Variants in NOP53 observed in about 807,000 individuals in gnomAD.
NOP53 encodes ribosome biogenesis protein NOP53.
Under a neutral mutation model 61.0 loss-of-function variants are expected in NOP53, and 40 were observed. The observed-to-expected ratio is 0.66, with a 90% CI of 0.51 to 0.85. The LOEUF (loss-of-function observed/expected upper bound fraction) is 0.85, where lower values mean the gene tolerates loss of function less well. Among genes scored for constraint, NOP53 ranks in the 40% least tolerant of loss-of-function variants. The pLI is 0.00. For synonymous variants in NOP53, 308 were observed against 289.5 expected (o/e 1.06, Z -0.65); for missense variants, 689 against 652.9 (o/e 1.06, Z -0.60).
chr19:47,756,394 G>C lies in NOP53; in HGVS notation c.1297-134G>C. ...CTGAGCCCCAGCAGCTGAGGGCCAG[G>C]CTGAGTCCCTGGTGCCCACAGGCTG... On this transcript the variant is annotated intron_variant, in intron 10 of 12. Coordinates refer to ENST00000246802, the MANE Select transcript of NOP53 (RefSeq NM_015710.5). 1.5e-5 allele frequency: 10 copies of C among 650,042 alleles called. No individual in the cohort carries two copies. In the South Asian group the frequency reaches 1.8e-4, roughly 12 times the overall value. The allele number at this position is 650,042 out of a possible 1,614,324, so 40.3% of individuals were successfully genotyped here. A position where few individuals can be genotyped will look rare whatever the true frequency, so the allele number is the denominator to read the frequency against.
intron 2 of NOP53, 115 bp from the exon 3 acceptor site, chr19:47,750,063 C>A (rs1967105832): frequency 1.5e-6 from 1 of 656,912 alleles, no homozygotes; most frequent in Non-Finnish European, 2.7e-6. Context: ...ACCTCCAAGT[C>A]TCCTGGGGTG....
intron 10 of NOP53, 58 bp from the exon 11 acceptor site, chr19:47,756,470 G>GGTCCAGGCCCTTGGGCTTC: frequency 7.0e-7 from 1 of 1,424,054 alleles, no homozygotes. Context: ...CCCGAGGAGA[G>GGTCCAGGCCCTTGGGCTTC]GTCCAGGCCC....
In NOP53 at chr19:47,751,092, C is replaced by T. The variant is rs1430363723; in HGVS notation, c.583C>T (p.Leu195Phe). ...CACCGTAGAGCGGCCCTTCTACGAC[C>T]TCTGGGCCTCAGACAGTGAGTGATC... ...QDTVERPFYD[L>F]WASDNPLDRP... is the part of the protein sequence containing the mutation. The change falls in exon 4 of 13, where the codon CTC (leucine) becomes TTC (phenylalanine). Residue 195 changes from leucine (L) to phenylalanine (F), a missense_variant. Leu to Phe is a conservative substitution (Grantham distance 22, BLOSUM62 0). Transcript: ENST00000246802. 3 of 1,606,926 alleles carry T rather than the reference C, an allele frequency of 1.9e-6. No homozygotes were observed. The highest frequency in any genetic ancestry group is 1.1e-5 in the South Asian group (1 of 89,384).
chr19:47,755,129 G>C (rs1337704592), intron 8 of NOP53, among the ~76,000 whole-genome samples: 1 of 151,790 alleles, frequency 6.6e-6, no homozygotes, highest in Non-Finnish European at 1.5e-5. Context: ...GGGCGGGGTG[G>C]GGGGAGGTTT....
Position 47,754,325 on chromosome 19 carries a change from C to T in NOP53, c.766-202C>T. On this transcript the variant is annotated intron_variant, in intron 6 of 12. Transcript: ENST00000246802. This position sits in a 1 kb window ranked among gnomAD's most constrained non-coding sequence, Gnocchi z 4.2. Reference sequence around the variant, plus strand: ...AGGTCAGACTGCCTTCACAGACGTGCAGAGCAGGTGTGAGGGCGAGGGTTT... The same window carrying T: ...AGGTCAGACTGCCTTCACAGACGTGTAGAGCAGGTGTGAGGGCGAGGGTTT... The T allele has an allele frequency of 1.7e-6, 1 of 578,694 alleles. No homozygotes were observed. 35.8% of individuals were successfully genotyped at this position (578,694 alleles called of 1,614,324 possible). A position where few individuals can be genotyped will look rare whatever the true frequency, so the allele number is the denominator to read the frequency against.
At position 47,754,495 on chromosome 19, in the gene NOP53, T is replaced by A; in HGVS notation, c.766-32T>A. 6.8e-7 allele frequency: 1 copy of A among 1,477,702 alleles called. No homozygotes were observed. The allele number at this position is 1,477,702 out of a possible 1,614,324, so 91.5% of individuals were successfully genotyped here. On this transcript the variant is annotated intron_variant, in intron 6 of 12. Transcript: ENST00000246802. This position sits in a 1 kb window ranked among gnomAD's most constrained non-coding sequence, Gnocchi z 4.2. ...TCTAGTCTCAGTGTCCCAGGAGGGG[T>A]TCAGGGACCCATCCTCACTCCCGCC...
intron 8 of NOP53, 54 bp from the exon 9 acceptor site, chr19:47,755,294 T>C (rs10406879): frequency 0.72 from 882,572 of 1,228,776 alleles, 318,679 homozygotes; most frequent in African/African-American, 0.84. Flanking sequence ...AGAGAGAAGG[T>C]CTCCCTGTGT....
intron 8 of NOP53, 106 bp from the exon 9 acceptor site, chr19:47,755,242 C>G: frequency 1.4e-6 from 1 of 733,206 alleles, no homozygotes; most frequent in Non-Finnish European, 2.1e-6. Flanking sequence ...TAGGAAGGGC[C>G]TCCGGGGACA....
chr19:47,754,781 G>C lies in NOP53; in HGVS notation c.943G>C (p.Glu315Gln), dbSNP rs907006566. Residue 315 changes from glutamate to glutamine, a missense_variant, in exon 8 of 13, where the codon GAG becomes CAG. Physicochemically the swap from Glu to Gln is conservative, Grantham distance 29 (BLOSUM62 2). Coordinates refer to ENST00000246802, the MANE Select transcript of NOP53 (RefSeq NM_015710.5). The surrounding 1 kb of genome is among the most constrained non-coding windows in gnomAD (Gnocchi z 4.2). ...TGGTGAGGGGGAGCCAGGCCAGGGCGAGGGGCCGGAGGCTGGGGATGCCGA... is the reference window on the plus strand; with the variant it reads ...TGGTGAGGGGGAGCCAGGCCAGGGCCAGGGGCCGGAGGCTGGGGATGCCGA... The part of the protein sequence containing the change: ...SDGEGEPGQG[E>Q]GPEAGDAEVC... 1 of 1,523,174 alleles carries C rather than the reference G, an allele frequency of 6.6e-7. No individual in the cohort carries two copies. Among genetic ancestry groups the C allele is most frequent in the African/African-American group, 1.4e-5 (1 of 72,154 alleles). The allele number at this position is 1,523,174 out of a possible 1,614,324, so 94.4% of individuals were successfully genotyped here.
intron 8 of NOP53, 58 bp from the exon 9 acceptor site, chr19:47,755,287 GAGA>G (rs1327293620): frequency 1.7e-6 from 2 of 1,187,362 alleles, no homozygotes; most frequent in East Asian, 2.9e-5. Flanking sequence ...CCTGTGTAGA[GAGA>G]AGGTCTCCCT....
Position 47,750,382 on chromosome 19 carries a change from AG to A in NOP53, c.398+99del, listed in dbSNP as rs1967110194. The A allele has an allele frequency of 6.7e-6, 5 of 746,430 alleles. No individual in the cohort carries two copies. The Admixed American group carries it at 1.1e-4, about 16-fold the overall frequency. The allele number at this position is 746,430 out of a possible 1,614,324, so 46.2% of individuals were successfully genotyped here. ...GGGCTGGTAGGTGAGGGTCATTTGAAGGGTAGGGCAGGCTCAGGTTTGGGCT... is the reference window on the plus strand; with the variant it reads ...GGGCTGGTAGGTGAGGGTCATTTGAAGGTAGGGCAGGCTCAGGTTTGGGCT... On this transcript the variant is annotated intron_variant, in intron 3 of 12. Coordinates refer to ENST00000246802, the MANE Select transcript of NOP53 (RefSeq NM_015710.5).
chr19:47,751,134 A>T, intron 4 of NOP53, 27 bp downstream of exon 4: 2 of 1,566,154 alleles, frequency 1.3e-6, no homozygotes, highest in Non-Finnish European at 1.7e-6. Context: ...TCACCTATGA[A>T]TGGGGACAGG....
At chr19:47,751,910 T>C (rs186743816) in intron 5 of NOP53, among the ~76,000 whole-genome samples, 1 of 151,870 alleles carries the variant, frequency 6.6e-6, no homozygotes, top group East Asian at 2.0e-4. Flanking sequence ...GAGACCAGCC[T>C]GACCAACGTG....
At chr19:47,745,853 G>C (rs931190418) in intron 1 of NOP53, 70 bp downstream of exon 1, 17 of 430,988 alleles carry the variant, frequency 3.9e-5, no homozygotes, top group Non-Finnish European at 5.0e-5. Flanking sequence ...GCGTGCTTGC[G>C]TGGACTCGTC....
At chr19:47,748,008 G>A (rs546367714) in intron 2 of NOP53, among the ~76,000 whole-genome samples, 275 of 151,970 alleles carry the variant, frequency 1.8e-3, no homozygotes, top group African/African-American at 6.4e-3. Context: ...TCGAACTCCT[G>A]ACCTCAGGTG....
chr19:47,755,035 C>A, intron 8 of NOP53, 144 bp downstream of exon 8: 1 of 785,360 alleles, frequency 1.3e-6, no homozygotes, highest in Non-Finnish European at 1.9e-6. Context: ...GTTTGGGATC[C>A]TCACAGCTGA....
intron 8 of NOP53, 128 bp downstream of exon 8, chr19:47,755,019 T>G (rs1967172671): frequency 2.3e-6 from 2 of 866,144 alleles, no homozygotes; most frequent in African/African-American, 3.5e-5. Flanking sequence ...GCCTGTGGTT[T>G]GGGCTGTTTG....
chr19:47,755,433 TGAGGCTGGCGGAGCTGGCGCGGCGGCA>T lies in NOP53; in HGVS notation c.1145_1171del (p.Leu382_Arg390del). On this transcript the variant is annotated inframe_deletion, in exon 9 of 13. Coordinates refer to ENST00000246802, the MANE Select transcript of NOP53 (RefSeq NM_015710.5). ...CGCGGGATCAAGGCCCAGGTGGCCC[TGAGGCTGGCGGAGCTGGCGCGGCGGCA>T]GAGGCGGCGGCAGGCGCGGCGGGAG... is the stretch of plus-strand genomic sequence containing the variant. 6.5e-7 allele frequency: 1 copy of T among 1,529,158 alleles called. No individual in the cohort carries two copies. The highest frequency in any genetic ancestry group is 1.2e-5 in the South Asian group (1 of 82,422). 94.7% of individuals were successfully genotyped at this position (1,529,158 alleles called of 1,614,324 possible).
intron 4 of NOP53, 61 bp downstream of exon 4, chr19:47,751,168 G>A (rs1967120869): frequency 1.4e-6 from 2 of 1,413,312 alleles, no homozygotes; most frequent in Non-Finnish European, 2.0e-6. Context: ...GTTTGTGTGT[G>A]TTGTGCACTG....
Sources: allele counts gnomAD v4.1 joint callset (sites outside exome capture counted in the v4.1 genomes callset), GRCh38; gene constraint gnomAD v4.1.1; non-coding constraint Gnocchi (gnomAD v3.1); transcripts MANE v1.5; gene names NCBI Gene and HGNC (gene_info 2026-07-23, HGNC 2026-07-21).